The following PTPRQ variants were observed in gnomAD, a reference collection of about 807,000 sequenced individuals.
PTPRQ encodes the protein protein tyrosine phosphatase receptor type Q.
In PTPRQ, 199 loss-of-function variants were observed where a neutral mutation model predicts 246.0. The ratio of observed to expected loss-of-function variants is 0.81; its 90% CI spans 0.72 to 0.91. The LOEUF (loss-of-function observed/expected upper bound fraction) is 0.91. Among genes scored for constraint, PTPRQ ranks in the 40% least tolerant of loss-of-function variants. The probability of loss-of-function intolerance (pLI) is 0.00; values close to 1 mark genes in which losing one functional copy is unlikely to be tolerated. For missense variants in PTPRQ, 2,624 were observed against 2,528.4 expected (o/e 1.04, Z -0.81); for synonymous variants, 869 against 853.2 (o/e 1.02, Z -0.32).
intron 39 of PTPRQ, among the ~76,000 whole-genome samples, chr12:80,658,472 G>A (rs1336019329): frequency 2.0e-5 from 3 of 152,008 alleles, no homozygotes; most frequent in Middle Eastern, 3.4e-3. Flanking sequence ...TCCTTCAAGC[G>A]GGTAATAATG....
At chr12:80,456,501 TG>T (rs539516819) in intron 3 of PTPRQ, among the ~76,000 whole-genome samples, 137 of 152,272 alleles carry the variant, frequency 9.0e-4, no homozygotes, top group African/African-American at 3.2e-3. Context: ...TATATGCTAT[TG>T]GGGATAATTA....
At chr12:80,587,291 C>T (rs1182343217) in intron 25 of PTPRQ, among the ~76,000 whole-genome samples, 5 of 152,118 alleles carry the variant, frequency 3.3e-5, no homozygotes, top group Admixed American at 6.6e-5. Context: ...GTAATTTTCA[C>T]ATGTCATCAT....
At position 80,461,978 on chromosome 12, in the gene PTPRQ, C is replaced by T. The variant is rs969829098; in HGVS notation, c.910+1076C>T. 2.3e-5 allele frequency: 15 copies of T among 647,308 alleles called. 1 individual carries two copies. The highest frequency in any genetic ancestry group is 1.1e-4 in the South Asian group (7 of 62,394). The allele number at this position is 647,308 out of a possible 1,614,324, so 40.1% of individuals were successfully genotyped here. On this transcript the variant is annotated intron_variant, in intron 6 of 44. Coordinates refer to ENST00000644991, the MANE Select transcript of PTPRQ (RefSeq NM_001145026.2). ...TTTCCGCATTTTCATCTAAGGTACC[C>T]GTTCGTCTCACTAGGGAGTGCCAGA... is the stretch of plus-strand genomic sequence containing the variant.
chr12:80,596,792 T>C (rs960602712), intron 26 of PTPRQ, among the ~76,000 whole-genome samples: 1 of 152,024 alleles, frequency 6.6e-6, no homozygotes, highest in Non-Finnish European at 1.5e-5. Context: ...TTCCAAACTA[T>C]AGAAAAATCC....
intron 17 of PTPRQ, among the ~76,000 whole-genome samples, chr12:80,524,705 A>AT (rs563397971): frequency 6.6e-6 from 1 of 151,886 alleles, no homozygotes; most frequent in Non-Finnish European, 1.5e-5. Flanking sequence ...TTTCTTACAT[A>AT]TTTTTTTCTT....
At chr12:80,546,781 A>G in intron 24 of PTPRQ, 84 bp downstream of exon 24, 4 of 1,466,168 alleles carry the variant, frequency 2.7e-6, no homozygotes, top group Non-Finnish European at 3.7e-6. Context: ...ATGATAAAGT[A>G]TCATTACTTA....
intron 35 of PTPRQ, among the ~76,000 whole-genome samples, chr12:80,636,152 A>G (rs1899640104): frequency 6.6e-6 from 1 of 152,210 alleles, no homozygotes; most frequent in Non-Finnish European, 1.5e-5. Flanking sequence ...TTTCTTGGAT[A>G]TGACAGCTGA....
intron 14 of PTPRQ, among the ~76,000 whole-genome samples, chr12:80,499,585 A>T (rs917003479): frequency 6.6e-6 from 1 of 151,994 alleles, no homozygotes; most frequent in African/African-American, 2.4e-5. Flanking sequence ...CCACTCTTCA[A>T]TATTGTTTCA....
At chr12:80,481,531 T>C (rs1007358199) in intron 8 of PTPRQ, among the ~76,000 whole-genome samples, 31 of 152,128 alleles carry the variant, frequency 2.0e-4, no homozygotes, top group South Asian at 1.2e-3. Flanking sequence ...CCAGGGCAAT[T>C]AGGCAGGAGA....
chr12:80,641,860 TCTCA>T (rs771301081), intron 35 of PTPRQ, among the ~76,000 whole-genome samples: 4 of 151,824 alleles, frequency 2.6e-5, no homozygotes, highest in Non-Finnish European at 5.9e-5. Flanking sequence ...TTTCTCTCTC[TCTCA>T]CTCTCTCTCT....
Position 80,496,223 on chromosome 12 carries a change from AC to A in PTPRQ, c.1991-26del, listed in dbSNP as rs772924066. The A allele has an allele frequency of 2.1e-5, 33 of 1,542,128 alleles. 1 individual carries two copies. The South Asian group carries it at 3.6e-4, about 17-fold the overall frequency. On this transcript the variant is annotated intron_variant, in intron 13 of 44. Transcript: ENST00000644991. ...AACAAACATCAATAAAAATATAGGTACTACAAATGTTCTTTTCTTCCCCTAG... is the reference window on the plus strand; with the variant it reads ...AACAAACATCAATAAAAATATAGGTATACAAATGTTCTTTTCTTCCCCTAG...
At chr12:80,555,101 G>A (rs565699677) in intron 25 of PTPRQ, among the ~76,000 whole-genome samples, 5 of 152,126 alleles carry the variant, frequency 3.3e-5, no homozygotes, top group Non-Finnish European at 5.9e-5. Context: ...TTTTAGTAGA[G>A]ACAGGGTTTC....
At chr12:80,454,647 G>T in intron 3 of PTPRQ, 1 of 653,056 alleles carries the variant, frequency 1.5e-6, no homozygotes, top group Non-Finnish European at 2.7e-6. Context: ...TTCCTTTGAT[G>T]CCTACTTTGT....
chr12:80,590,732 A>G (rs1412527343), intron 26 of PTPRQ, among the ~76,000 whole-genome samples: 1 of 151,148 alleles, frequency 6.6e-6, no homozygotes, highest in Non-Finnish European at 1.5e-5. Flanking sequence ...TAAATTTTAC[A>G]TTTCTTAACA....
intron 17 of PTPRQ, among the ~76,000 whole-genome samples, chr12:80,523,300 T>C (rs1327885841): frequency 6.6e-6 from 1 of 152,148 alleles, no homozygotes; most frequent in Non-Finnish European, 1.5e-5. Flanking sequence ...TTTGTTGATC[T>C]TTTCAAAAAA....
intron 25 of PTPRQ, among the ~76,000 whole-genome samples, chr12:80,552,614 T>C (rs1369327407): frequency 9.1e-6 from 1 of 110,436 alleles, no homozygotes; most frequent in Non-Finnish European, 1.9e-5. Flanking sequence ...CCACCTAAAT[T>C]TAAGGTCCAG....
chr12:80,477,680 C>T (rs901539813), intron 8 of PTPRQ, among the ~76,000 whole-genome samples: 1 of 152,192 alleles, frequency 6.6e-6, no homozygotes, highest in African/African-American at 2.4e-5. Flanking sequence ...GCACCGTGTG[C>T]GAGCCGAAGC....
chr12:80,668,348 G>A (rs1005596501), intron 39 of PTPRQ, among the ~76,000 whole-genome samples: 2 of 151,792 alleles, frequency 1.3e-5, no homozygotes, highest in Non-Finnish European at 2.9e-5. Flanking sequence ...TGTCCTATGA[G>A]TTTACTGTAT....
chr12:80,494,415 A>C (rs1306690591), intron 10 of PTPRQ, among the ~76,000 whole-genome samples: 1 of 152,066 alleles, frequency 6.6e-6, no homozygotes, highest in Non-Finnish European at 1.5e-5. Context: ...GAATGTATGA[A>C]CATATGGTGA....
Sources: gnomAD v4.1 joint callset for allele counts (sites outside exome capture counted in the v4.1 genomes callset) on GRCh38, gnomAD v4.1.1 for gene constraint, MANE v1.5 for transcripts, NCBI Gene and HGNC (gene_info 2026-07-23, HGNC 2026-07-21) for gene names.